The following SCRIB variants were observed in gnomAD, a reference collection of about 807,000 sequenced individuals.
The protein encoded by SCRIB is protein scribble homolog.
SCRIB carries 72 observed loss-of-function variants against 170.0 expected under a neutral mutation model. That is an observed-to-expected ratio of 0.42 (90% CI 0.35 to 0.52). The LOEUF is 0.52. Among genes scored for constraint, SCRIB ranks in the 20% least tolerant of loss-of-function variants. The probability of loss-of-function intolerance (pLI) is 0.02; values close to 1 mark genes in which losing one functional copy is unlikely to be tolerated. For synonymous variants in SCRIB, 1,298 were observed against 1,044.3 expected (o/e 1.24, Z -4.68); for missense variants, 2,475 against 2,338.5 (o/e 1.06, Z -1.20).
At chr8:143,794,950 T>G (rs913989129) in intron 27 of SCRIB, 88 bp downstream of exon 27, 5 of 1,341,642 alleles carry the variant, frequency 3.7e-6, no homozygotes, top group Non-Finnish European at 5.2e-6. Context: ...AAAGGTTCCC[T>G]CCCGGATGGC....
In SCRIB at chr8:143,791,279, G is replaced by A. The variant is rs782590920; in HGVS notation, c.4852C>T (p.Leu1618=). 7 of 1,546,880 alleles carry A rather than the reference G, an allele frequency of 4.5e-6. No homozygotes were observed. In the East Asian group the frequency reaches 1.4e-4, roughly 31 times the overall value. ...GGTGAGGGCCTGCCCAGAAGCACCA[G>A]AGCCACTTCTCCATCCTCCTCCTGC... ...GPQEEDGEVA[L]VLLGRPSPGA... is the part of the protein sequence containing the mutation. The change falls in exon 37 of 37, where the codon CTG becomes TTG. Residue 1618 remains leucine (L), a synonymous_variant. Transcript: ENST00000356994.
At chr8:143,804,275 C>T (rs1563797731) in intron 21 of SCRIB, 119 bp from the exon 22 acceptor site, 5 of 778,064 alleles carry the variant, frequency 6.4e-6, no homozygotes, top group East Asian at 2.7e-5. Flanking sequence ...CCCTAATGCC[C>T]ACGGGGATTT....
chr8:143,809,281 G>GGCT (rs1306095190), intron 14 of SCRIB, among the ~76,000 whole-genome samples: 2 of 152,214 alleles, frequency 1.3e-5, no homozygotes, highest in Non-Finnish European at 2.9e-5. Flanking sequence ...GAGCCCACGG[G>GGCT]GGTCAGAAGA....
At position 143,795,108 on chromosome 8, in the gene SCRIB, C is replaced by A. The variant is rs782586466; in HGVS notation, c.3776G>T (p.Arg1259Leu). The A allele has an allele frequency of 6.2e-7, 1 of 1,610,964 alleles. No individual in the cohort carries two copies. Residue 1259 changes from arginine (R) to leucine (L), a missense_variant, in exon 27 of 37, where the codon CGG (arginine) becomes CTG (leucine). Physicochemically the swap from Arg to Leu is moderately radical, Grantham distance 102 (BLOSUM62 -2). Transcript: ENST00000356994. ...GTCCAGCTTCAGGGGCTGCAGACCC[C>A]GACCCTGGGGGCAGAGTGAACACAG... ...WGPEATEAAG[R>L]GLQPLKLDYR... is the part of the protein sequence containing the mutation.
chr8:143,801,929 G>A (rs782418585), intron 24 of SCRIB, among the ~76,000 whole-genome samples: 1 of 152,216 alleles, frequency 6.6e-6, no homozygotes, highest in Non-Finnish European at 1.5e-5. Flanking sequence ...CCAGATGCAA[G>A]GACAACCTGT....
rs1563802443 is a variant in SCRIB at position 143,808,645 on chromosome 8, G to A, written c.2079C>T (p.Asp693=). The stretch of plus-strand genomic sequence containing the variant: ...GCGCAGAAACCACGGCCCCCTCCTT[G>A]TCCTCCTCCTCAGTGCTGGCCTCTT... ...EEEEASTEEE[D]KEGAVVSAPS... The change falls in exon 15 of 37, where the codon GAC becomes GAT. Residue 693 remains aspartate (D), a synonymous_variant. Coordinates refer to ENST00000356994, the MANE Select transcript of SCRIB (RefSeq NM_182706.5). 6.6e-7 allele frequency: 1 copy of A among 1,516,098 alleles called. No homozygotes were observed. Among genetic ancestry groups the A allele is most frequent in the Admixed American group, 2.3e-5 (1 of 44,180 alleles). 93.9% of individuals were successfully genotyped at this position (1,516,098 alleles called of 1,614,324 possible).
At position 143,795,410 on chromosome 8, in the gene SCRIB, C is replaced by A. The variant is rs552937477; in HGVS notation, c.3714+10G>T. On this transcript the variant is annotated intron_variant, in intron 25 of 36. Coordinates refer to ENST00000356994, the MANE Select transcript of SCRIB (RefSeq NM_182706.5). ...TGGCCCTGGGGCTGCCGGCTGCAGGCACCTCTGACCTTGCCTGGGCCCTCA... is the reference window on the plus strand; with the variant it reads ...TGGCCCTGGGGCTGCCGGCTGCAGGAACCTCTGACCTTGCCTGGGCCCTCA... 2 of 1,612,502 alleles carry A rather than the reference C, an allele frequency of 1.2e-6. No homozygotes were observed. Among genetic ancestry groups the A allele is most frequent in the Non-Finnish European group, 1.7e-6 (2 of 1,179,510 alleles).
chr8:143,803,785 G>A lies in SCRIB; in HGVS notation c.3276C>T (p.Asp1092=). 3 of 1,602,734 alleles carry A rather than the reference G, an allele frequency of 1.9e-6. No individual in the cohort carries two copies. The highest frequency in any genetic ancestry group is 2.5e-6 in the Non-Finnish European group (3 of 1,179,452). ...CLELSLLVRR[D]PAPPGLRELC... ...GTTCCCGTAGGCCCGGGGGTGCCGG[G>A]TCCCTCCGCACCAGCAGCGACAGCT... The change falls in exon 23 of 37, where the codon GAC becomes GAT. Residue 1092 remains aspartate (D), a synonymous_variant. Transcript: ENST00000356994.
Position 143,791,174 on chromosome 8 carries a change from C to T in SCRIB, c.4957G>A (p.Val1653Met). ...VRPGRRGLGP[V>M]PS is the part of the protein sequence containing the mutation. ...AGGTGCCTGCTCCTCTAGGAGGGCACAGGGCCCAGGCCACGGCGCCCAGGC... is the reference window on the plus strand; with the variant it reads ...AGGTGCCTGCTCCTCTAGGAGGGCATAGGGCCCAGGCCACGGCGCCCAGGC... Residue 1653 changes from valine to methionine, a missense_variant, in exon 37 of 37, where the codon GTG (valine) becomes ATG (methionine). By Grantham distance (21) the Val-to-Met change is conservative. This residue lies in a region of SCRIB where 22 missense variants were observed against 37.5 expected (regional missense o/e 0.59). Transcript: ENST00000356994. 1 of 1,429,816 alleles carries T rather than the reference C, an allele frequency of 7.0e-7. No individual in the cohort carries two copies. The highest frequency in any genetic ancestry group is 3.0e-5 in the Admixed American group (1 of 33,102). The allele number at this position is 1,429,816 out of a possible 1,614,324, so 88.6% of individuals were successfully genotyped here. A position where few individuals can be genotyped will look rare whatever the true frequency, so the allele number is the denominator to read the frequency against.
chr8:143,807,449 G>A lies in SCRIB; in HGVS notation c.2178+103C>T, dbSNP rs79636894. 2.0e-4 allele frequency: 186 copies of A among 932,822 alleles called. No individual in the cohort carries two copies. In the African/African-American group the frequency reaches 2.8e-3, roughly 14 times the overall value. 57.8% of individuals were successfully genotyped at this position (932,822 alleles called of 1,614,324 possible). ...CTGGATCTGAGAGCTCTTTTGAGAGGGATCTGCGCTCAAGCAACAGGGGCG... is the reference window on the plus strand; with the variant it reads ...CTGGATCTGAGAGCTCTTTTGAGAGAGATCTGCGCTCAAGCAACAGGGGCG... On this transcript the variant is annotated intron_variant, in intron 16 of 36. Transcript: ENST00000356994.
Position 143,809,580 on chromosome 8 carries a change from C to T in SCRIB, c.1669G>A (p.Glu557Lys), listed in dbSNP as rs1250331239. ...TGGTAGTCCTCTTCGGCGTCTTCCTCCCCGCCAGCAGTCGTGGCTTCCTGC... is the reference window on the plus strand; with the variant it reads ...TGGTAGTCCTCTTCGGCGTCTTCCTTCCCGCCAGCAGTCGTGGCTTCCTGC... ...SQQEATTAGG[E>K]EDAEEDYQEP... Residue 557 changes from glutamate (E) to lysine (K), a missense_variant, in exon 14 of 37, where the codon GAG becomes AAG. Physicochemically the swap from Glu to Lys is moderately conservative, Grantham distance 56. This residue lies in a region of SCRIB where 1,966 missense variants were observed against 1,742.9 expected (regional missense o/e 1.13). Transcript: ENST00000356994. The T allele has an allele frequency of 1.2e-6, 2 of 1,611,486 alleles. No homozygotes were observed. Among genetic ancestry groups the T allele is most frequent in the Non-Finnish European group, 8.5e-7 (1 of 1,179,712 alleles).
rs377144792 is a variant in SCRIB at position 143,814,069 on chromosome 8, T to C, written c.209A>G (p.Glu70Gly). The C allele has an allele frequency of 1.3e-6, 2 of 1,555,958 alleles. No homozygotes were observed. Among genetic ancestry groups the C allele is most frequent in the African/African-American group, 2.7e-5 (2 of 73,214 alleles). The change falls in exon 2 of 37, where the codon GAG becomes GGG. Residue 70 changes from glutamate to glycine, a missense_variant. Coordinates refer to ENST00000356994, the MANE Select transcript of SCRIB (RefSeq NM_182706.5). ...NLRKLGLSDN[E>G]IQRLPPEVAN... The stretch of plus-strand genomic sequence containing the variant: ...CACCTCGGGAGGCAACCGCTGGATC[T>C]CGTTGTCGCTCAGGCCCAGCTTGCG...
At chr8:143,793,554 G>A in intron 28 of SCRIB, 1 of 342,920 alleles carries the variant, frequency 2.9e-6, no homozygotes, top group Non-Finnish European at 5.4e-6. Flanking sequence ...GTTGGGAGGT[G>A]CCAACAGTGG....
Position 143,815,452 on chromosome 8 carries a change from C to A in SCRIB, c.-80G>T. On this transcript the variant is annotated 5_prime_UTR_variant, in exon 1 of 37. Coordinates refer to ENST00000356994, the MANE Select transcript of SCRIB (RefSeq NM_182706.5). ...GGGGGCGGGGCTCAGTCCGCATGGG[C>A]GCCGCGCATGGGGAGGGGGCGCAGG... is the stretch of plus-strand genomic sequence containing the variant. 4 of 1,134,146 alleles carry A rather than the reference C, an allele frequency of 3.5e-6. No homozygotes were observed. In the South Asian group the frequency reaches 1.7e-4, roughly 48 times the overall value. The allele number at this position is 1,134,146 out of a possible 1,614,324, so 70.3% of individuals were successfully genotyped here.
At chr8:143,813,415 G>A (rs1586533251) in intron 5 of SCRIB, 41 bp from the exon 6 acceptor site, 2 of 1,613,192 alleles carry the variant, frequency 1.2e-6, no homozygotes, top group Non-Finnish European at 1.7e-6. Context: ...ACGCAGCCCT[G>A]GTCCCTGGGC....
Position 143,804,651 on chromosome 8 carries a change from T to TG in SCRIB, c.2925dup (p.Thr976HisfsTer42). ...AACCCAGGCACCCCGGGGGTGGCAG[T>TG]GGTTATGCTGGTGGTGGCAACAGCA... On this transcript the variant is annotated frameshift_variant, in exon 21 of 37. Transcript: ENST00000356994. LOFTEE classifies it high-confidence loss of function. 1 of 1,534,788 alleles carries TG rather than the reference T, an allele frequency of 6.5e-7. No homozygotes were observed. The highest frequency in any genetic ancestry group is 1.3e-5 in the South Asian group (1 of 79,096).
intron 14 of SCRIB, 102 bp downstream of exon 14, chr8:143,809,449 A>G: frequency 1.5e-6 from 2 of 1,310,596 alleles, no homozygotes; most frequent in Non-Finnish European, 2.1e-6. Context: ...AGCAGGGCCC[A>G]GGCACTGCCT....
intron 24 of SCRIB, among the ~76,000 whole-genome samples, chr8:143,799,905 G>A (rs530185428): frequency 3.5e-4 from 53 of 151,978 alleles, no homozygotes; most frequent in Admixed American, 9.8e-4. Context: ...AGATGGGCTC[G>A]CACAGTGAGA....
intron 17 of SCRIB, 21 bp downstream of exon 17, chr8:143,806,903 G>A: frequency 1.3e-6 from 2 of 1,557,616 alleles, no homozygotes; most frequent in Non-Finnish European, 1.8e-6. Context: ...CAGCGGAAAG[G>A]CCCTCCTAGG....
Sources: gnomAD v4.1 joint callset for allele counts (sites outside exome capture counted in the v4.1 genomes callset) on GRCh38, gnomAD v4.1.1 for gene constraint, gnomAD v4.1.1 regional missense constraint, MANE v1.5 for transcripts, NCBI Gene and HGNC (gene_info 2026-07-23, HGNC 2026-07-21) for gene names.